ANK2: variants seen among roughly 807,000 people sequenced by gnomAD.
ANK2 encodes ankyrin 2.
In ANK2, 83 loss-of-function variants were observed where a neutral mutation model predicts 360.5. The observed-to-expected ratio is 0.23, with a 90% CI of 0.19 to 0.28. The LOEUF is 0.28. Among genes scored for constraint, ANK2 ranks in the 10% least tolerant of loss-of-function variants. ANK2 has a pLI of 1.00. For synonymous variants in ANK2, 1,740 were observed against 1,759.5 expected, an observed-to-expected ratio of 0.99 and a Z score of 0.28; for missense variants, 4,201 against 4,795.7, an observed-to-expected ratio of 0.88 and a Z score of 3.66.
At chr4:112,965,444 G>A (rs572772403) in intron 2 of ANK2, among the ~76,000 whole-genome samples, 19 of 151,860 alleles carry the variant, frequency 1.3e-4, no homozygotes, top group South Asian at 4.2e-4. Context: ...ATTTTCTCCC[G>A]TCCTGTGGAT....
chr4:113,125,429 T>TA (rs1250522215), intron 1 of ANK2, among the ~76,000 whole-genome samples: 2 of 152,128 alleles, frequency 1.3e-5, no homozygotes, highest in Admixed American at 6.6e-5. Context: ...TCTAAGATTA[T>TA]AAAAAACAGG....
intron 1 of ANK2, chr4:113,145,636 A>C (rs2096799814): frequency 9.0e-7 from 1 of 1,107,560 alleles, no homozygotes; most frequent in Non-Finnish European, 1.1e-6. Context: ...CAGCGCCTGC[A>C]CTGGAAATGG....
intron 2 of ANK2, among the ~76,000 whole-genome samples, chr4:112,966,538 A>G (rs939994688): frequency 6.6e-6 from 1 of 152,058 alleles, no homozygotes; most frequent in African/African-American, 2.4e-5. Flanking sequence ...TAATTCTATA[A>G]TAAGAGTTTC....
intron 4 of ANK2, among the ~76,000 whole-genome samples, chr4:113,216,526 A>G (rs2099087432): frequency 6.6e-6 from 1 of 152,238 alleles, no homozygotes; most frequent in Admixed American, 6.5e-5. Flanking sequence ...TATGAAGGCA[A>G]TTAGGCCTGT....
chr4:112,870,388 C>T (rs557324411), intron 1 of ANK2, among the ~76,000 whole-genome samples: 1 of 152,244 alleles, frequency 6.6e-6, no homozygotes, highest in African/African-American at 2.4e-5. Flanking sequence ...TAGTTCAGGC[C>T]ATGAAGTTAT....
intron 2 of ANK2, among the ~76,000 whole-genome samples, chr4:113,039,698 G>A (rs776299365): frequency 6.6e-6 from 1 of 151,954 alleles, no homozygotes; most frequent in Non-Finnish European, 1.5e-5. Flanking sequence ...GTGCCTAACT[G>A]TATATGCAAC....
At chr4:113,046,490 G>A (rs749098065), upstream of ANK2, among the ~76,000 whole-genome samples, 2 of 152,022 alleles carry the variant, frequency 1.3e-5, no homozygotes, top group African/African-American at 4.8e-5. Flanking sequence ...TAGAGCCCTC[G>A]TGAATGGGAT....
intron 14 of ANK2, among the ~76,000 whole-genome samples, chr4:113,266,739 T>C (rs1413702136): frequency 1.3e-5 from 2 of 152,196 alleles, no homozygotes; most frequent in Non-Finnish European, 1.5e-5. Flanking sequence ...TAGACTGCTA[T>C]GGTGGCACAT....
At chr4:112,712,318 G>A in the ANK2 span, among the ~76,000 whole-genome samples, 1 of 150,012 alleles carries the variant, frequency 6.7e-6, no homozygotes, top group Non-Finnish European at 1.5e-5. Flanking sequence ...AACCTCAGGT[G>A]ATCCACCCAC....
At chr4:113,343,344 T>C (rs572977208) in intron 34 of ANK2, among the ~76,000 whole-genome samples, 1 of 152,310 alleles carries the variant, frequency 6.6e-6, no homozygotes, top group Admixed American at 6.5e-5. Context: ...ATAGACTATA[T>C]TTAAGGATGA....
chr4:113,151,076 AC>A (rs1294346287), intron 1 of ANK2: 10 of 1,288,362 alleles, frequency 7.8e-6, no homozygotes, highest in Non-Finnish European at 8.1e-6. Context: ...TTTTCCCACT[AC>A]AGGTGACATG....
chr4:112,726,599 T>C, the ANK2 span, among the ~76,000 whole-genome samples: 1 of 151,970 alleles, frequency 6.6e-6, no homozygotes, highest in East Asian at 1.9e-4. Context: ...TTTTAAGAAT[T>C]CTCTTATTGC....
chr4:112,745,893 A>G, the ANK2 span, among the ~76,000 whole-genome samples: 1 of 151,700 alleles, frequency 6.6e-6, no homozygotes, highest in Non-Finnish European at 1.5e-5. Context: ...AACCATCCCC[A>G]CATCTCTCCC....
At chr4:112,767,358 C>T in the ANK2 span, among the ~76,000 whole-genome samples, 19 of 151,892 alleles carry the variant, frequency 1.3e-4, no homozygotes, top group African/African-American at 7.3e-5. Flanking sequence ...GTCAGGAGTT[C>T]GAGACCAGCC....
chr4:113,096,833 A>G (rs1372208663), intron 1 of ANK2, among the ~76,000 whole-genome samples: 2 of 151,992 alleles, frequency 1.3e-5, no homozygotes, highest in African/African-American at 2.4e-5. Flanking sequence ...TTGCCACAAT[A>G]CTTATGCAAG....
the ANK2 span, among the ~76,000 whole-genome samples, chr4:112,803,834 G>A: frequency 6.6e-6 from 1 of 152,004 alleles, no homozygotes; most frequent in Non-Finnish European, 1.5e-5. Flanking sequence ...TAAATAAAAT[G>A]ACAATTTTGC....
chr4:112,810,153 ATATATATTTTTT>A, the ANK2 span, among the ~76,000 whole-genome samples: 61 of 23,444 alleles, frequency 2.6e-3, no homozygotes, highest in African/African-American at 0.011. Flanking sequence ...ATATATATAT[ATATATATTTTTT>A]TTTTTTTTTT....
chr4:112,749,652 G>A, the ANK2 span, among the ~76,000 whole-genome samples: 2 of 152,186 alleles, frequency 1.3e-5, no homozygotes, highest in Non-Finnish European at 2.9e-5. Flanking sequence ...TTTGTGGAAA[G>A]TGATAGATAA....
At position 113,251,261 on chromosome 4, in the gene ANK2, T is replaced by C. The variant is rs532223633; in HGVS notation, c.990+1399T>C. 4.6e-5 allele frequency among the ~76,000 whole-genome samples: 7 copies of C among 152,290 alleles called. No individual in the cohort carries two copies. In the South Asian group the frequency reaches 1.5e-3, roughly 32 times the overall value. ...TTGCTTGTAATTGTCATGTCACTAA[T>C]GAAGATGGCAGGTTACCTGGATGGA... On this transcript the variant is annotated intron_variant, in intron 10 of 45. Coordinates refer to ENST00000357077, the MANE Select transcript of ANK2 (RefSeq NM_001148.6).
Sources: allele counts gnomAD v4.1 joint callset (sites outside exome capture counted in the v4.1 genomes callset), GRCh38; gene constraint gnomAD v4.1.1; transcripts MANE v1.5; gene names NCBI Gene and HGNC (gene_info 2026-07-23, HGNC 2026-07-21).